TBPL1: variants seen among roughly 807,000 people sequenced by gnomAD.
TBPL1 encodes TATA-box binding protein like 1.
A neutral mutation model predicts 22.1 loss-of-function variants in TBPL1; 4 were observed. The ratio of observed to expected loss-of-function variants is 0.18; its 90% confidence interval spans 0.09 to 0.41. TBPL1 has a LOEUF of 0.41. Among genes scored for constraint, TBPL1 ranks in the 10% least tolerant of loss-of-function variants. TBPL1 has a pLI of 1.00. For missense variants in TBPL1, 115 were observed against 222.3 expected (o/e 0.52, Z 3.07); for synonymous variants, 64 against 71.0 (o/e 0.90, Z 0.50).
At chr6:133,958,781 T>C (rs989346571) in intron 1 of TBPL1, among the ~76,000 whole-genome samples, 4 of 152,114 alleles carry the variant, frequency 2.6e-5, no homozygotes, top group Non-Finnish European at 5.9e-5. Flanking sequence ...ATATAAAATA[T>C]ATTATTAAAA....
chr6:133,962,844 ATTG>A (rs1348665578), intron 1 of TBPL1, among the ~76,000 whole-genome samples: 2 of 152,176 alleles, frequency 1.3e-5, no homozygotes, highest in East Asian at 3.8e-4. Context: ...TGTGGAACCT[ATTG>A]TTGAGCTTTT....
intron 1 of TBPL1, among the ~76,000 whole-genome samples, chr6:133,960,080 A>G (rs1775994945): frequency 1.3e-5 from 2 of 152,186 alleles, no homozygotes; most frequent in Admixed American, 6.5e-5. Context: ...GGGCATTTCC[A>G]GTGACTTGTG....
intron 4 of TBPL1, among the ~76,000 whole-genome samples, chr6:133,983,985 A>G (rs1211565620): frequency 6.6e-6 from 1 of 152,156 alleles, no homozygotes; most frequent in Non-Finnish European, 1.5e-5. Flanking sequence ...TACACTCTGT[A>G]TTTACTGACT....
intron 1 of TBPL1, among the ~76,000 whole-genome samples, chr6:133,961,673 T>G (rs1294672984): frequency 1.3e-5 from 2 of 151,990 alleles, no homozygotes; most frequent in African/African-American, 4.8e-5. Flanking sequence ...ACCATGTTAA[T>G]CGGGCTGGTC....
At chr6:133,974,642 T>C (rs560807728) in intron 1 of TBPL1, among the ~76,000 whole-genome samples, 25 of 152,388 alleles carry the variant, frequency 1.6e-4, no homozygotes, top group East Asian at 3.9e-4. Flanking sequence ...CAGTTATTTC[T>C]TATTGTTACT....
intron 1 of TBPL1, among the ~76,000 whole-genome samples, chr6:133,956,016 A>G (rs1414772001): frequency 6.6e-6 from 1 of 152,206 alleles, no homozygotes; most frequent in Non-Finnish European, 1.5e-5. Context: ...TCTCATGGAC[A>G]TGGCACATTA....
intron 4 of TBPL1, among the ~76,000 whole-genome samples, chr6:133,983,977 C>T (rs1337299235): frequency 6.6e-6 from 1 of 152,170 alleles, no homozygotes; most frequent in Non-Finnish European, 1.5e-5. Flanking sequence ...GCCCAGTGTA[C>T]ACTCTGTATT....
At chr6:133,964,272 A>G (rs949183933) in intron 1 of TBPL1, among the ~76,000 whole-genome samples, 2 of 152,104 alleles carry the variant, frequency 1.3e-5, no homozygotes, top group African/African-American at 4.8e-5. Context: ...GCACCCTTCA[A>G]CCAGTTACTC....
intron 1 of TBPL1, among the ~76,000 whole-genome samples, chr6:133,974,963 G>T (rs9385674): frequency 0.42 from 63,050 of 151,926 alleles, 14,999 homozygotes; most frequent in Non-Finnish European, 0.57. Context: ...CTAAGACACT[G>T]GGTTATAATT....
intron 1 of TBPL1, among the ~76,000 whole-genome samples, chr6:133,954,241 A>G (rs1775888658): frequency 6.6e-6 from 1 of 152,214 alleles, no homozygotes; most frequent in Admixed American, 6.5e-5. Flanking sequence ...CCAAAGCGAC[A>G]CTGGCAGTAA....
chr6:133,981,885 T>C (rs1354098827), intron 2 of TBPL1, among the ~76,000 whole-genome samples: 1 of 152,240 alleles, frequency 6.6e-6, no homozygotes, highest in African/African-American at 2.4e-5. Context: ...TTATACACAC[T>C]CTGTAGTTAT....
At chr6:133,960,306 G>A (rs969649763) in intron 1 of TBPL1, among the ~76,000 whole-genome samples, 1 of 152,130 alleles carries the variant, frequency 6.6e-6, no homozygotes, top group Non-Finnish European at 1.5e-5. Flanking sequence ...TTTGTACTGA[G>A]GGGGGAGGCC....
rs1313976639 is a variant in TBPL1, at chr6:133,989,544, C to CA, written c.*2510dup. ...CACACTTCCCTTCTCTTTCCAAAAA[C>CA]AAAAAACAATGCATGCTCTGATTTG... On this transcript the variant is annotated 3_prime_UTR_variant, in exon 7 of 7. Coordinates refer to ENST00000237264, the MANE Select transcript of TBPL1 (RefSeq NM_004865.4). The CA allele has an allele frequency of 6.6e-6, 1 of 152,132 alleles. No individual in the cohort carries two copies. The highest frequency in any genetic ancestry group is 1.9e-4 in the East Asian group (1 of 5,176). 9.4% of individuals were successfully genotyped at this position (152,132 alleles called of 1,614,324 possible).
In TBPL1 at chr6:133,983,550, G is replaced by A. The variant is rs146544116; in HGVS notation, c.282+670G>A. Among the ~76,000 whole-genome samples the A allele has an allele frequency of 1.3e-5, 2 of 152,148 alleles. 1 individual carries two copies. Among genetic ancestry groups the A allele is most frequent in the Admixed American group, 1.3e-4 (2 of 15,272 alleles). ...GTGATAGGAAGAGACTGAACGGCTG[G>A]TGGGGAGTGGGGGTTGGTGCTTGAG... On this transcript the variant is annotated intron_variant, in intron 4 of 6. Transcript: ENST00000237264.
At position 133,987,064 on chromosome 6, in the gene TBPL1, C is replaced by T; in HGVS notation, c.*24C>T. 6.4e-7 allele frequency: 1 copy of T among 1,553,676 alleles called. No homozygotes were observed. Among genetic ancestry groups the T allele is most frequent in the Non-Finnish European group, 8.8e-7 (1 of 1,131,452 alleles). On this transcript the variant is annotated 3_prime_UTR_variant, in exon 7 of 7. Coordinates refer to ENST00000237264, the MANE Select transcript of TBPL1 (RefSeq NM_004865.4). ...AATTCACCACTTAATTGGTTAGAAT[C>T]TCTAACTGAGCACCTTTTAAACCTG... is the stretch of plus-strand genomic sequence containing the variant.
At chr6:133,969,252 T>C (rs944691456) in intron 1 of TBPL1, among the ~76,000 whole-genome samples, 8 of 94,600 alleles carry the variant, frequency 8.5e-5, no homozygotes, top group African/African-American at 4.7e-4. Flanking sequence ...TAAAATACAC[T>C]TTTTTTTTTT....
chr6:133,958,722 T>C (rs961658463), intron 1 of TBPL1, among the ~76,000 whole-genome samples: 2 of 152,166 alleles, frequency 1.3e-5, no homozygotes, highest in Admixed American at 6.5e-5. Context: ...AACCAGGTCT[T>C]AGTTTTTAGT....
intron 1 of TBPL1, among the ~76,000 whole-genome samples, chr6:133,973,576 G>A (rs1776261328): frequency 6.6e-6 from 1 of 152,152 alleles, no homozygotes; most frequent in Non-Finnish European, 1.5e-5. Context: ...CCAGAAGGTG[G>A]CGATGTTTTC....
chr6:133,970,194 A>C (rs1480333081), intron 1 of TBPL1, among the ~76,000 whole-genome samples: 2 of 152,222 alleles, frequency 1.3e-5, no homozygotes, highest in Admixed American at 1.3e-4. Context: ...TCAGTTGAGA[A>C]CAACTACTCT....
Sources: gnomAD v4.1 joint callset for allele counts (sites outside exome capture counted in the v4.1 genomes callset) on GRCh38, gnomAD v4.1.1 for gene constraint, MANE v1.5 for transcripts, NCBI Gene and HGNC (gene_info 2026-07-23, HGNC 2026-07-21) for gene names.